BMERB1: variants seen among roughly 807,000 people sequenced by gnomAD.
BMERB1 encodes the protein bMERB domain-containing protein 1.
A neutral mutation model predicts 23.6 loss-of-function variants in BMERB1; 12 were observed. The observed-to-expected ratio is 0.51, with a 90% CI of 0.33 to 0.82. BMERB1 has a LOEUF of 0.82. BMERB1 is among the 40% of genes least tolerant of loss of function. BMERB1 has a pLI of 0.03. For synonymous variants in BMERB1, 122 were observed against 96.6 expected, an observed-to-expected ratio of 1.26 and a Z score of -1.54; for missense variants, 247 against 255.4, an observed-to-expected ratio of 0.97 and a Z score of 0.22.
intron 2 of BMERB1, 143 bp downstream of exon 2, chr16:15,515,571 AC>A: frequency 8.2e-7 from 1 of 1,214,674 alleles, no homozygotes; most frequent in Non-Finnish European, 1.1e-6. Context: ...GATTCTCACC[AC>A]CACCCAGGGA....
intron 1 of BMERB1, among the ~76,000 whole-genome samples, chr16:15,464,789 G>T (rs570669522): frequency 6.6e-6 from 1 of 152,268 alleles, no homozygotes; most frequent in East Asian, 1.9e-4. Flanking sequence ...CACCATCTTG[G>T]ATTGGGCAGG....
intron 2 of BMERB1, among the ~76,000 whole-genome samples, chr16:15,539,873 A>G (rs1403406337): frequency 1.3e-5 from 2 of 151,784 alleles, no homozygotes; most frequent in African/African-American, 4.8e-5. Context: ...AAAAGAATTT[A>G]TTTTCAGGCA....
chr16:15,536,216 G>A (rs538720631), intron 2 of BMERB1, among the ~76,000 whole-genome samples: 36 of 152,198 alleles, frequency 2.4e-4, no homozygotes, highest in Admixed American at 1.3e-3. Context: ...CTGACAGAGG[G>A]GCCACAGAGG....
chr16:15,472,131 A>C (rs147736184), intron 1 of BMERB1, among the ~76,000 whole-genome samples: 205 of 152,234 alleles, frequency 1.3e-3, no homozygotes, highest in African/African-American at 4.6e-3. Flanking sequence ...ATAACACATA[A>C]TTTTAATTCT....
intron 1 of BMERB1, among the ~76,000 whole-genome samples, chr16:15,489,126 C>T (rs2051394074): frequency 6.6e-6 from 1 of 152,132 alleles, no homozygotes; most frequent in Admixed American, 6.6e-5. Flanking sequence ...CTATCTGAAT[C>T]TGAACGGGAA....
chr16:15,550,452 C>T (rs187203145), intron 2 of BMERB1, among the ~76,000 whole-genome samples: 92 of 152,208 alleles, frequency 6.0e-4, no homozygotes, highest in Admixed American at 6.0e-3. Context: ...CCCACCTCAG[C>T]CCCGCAAGTT....
chr16:15,511,463 C>T (rs902871707), intron 1 of BMERB1, among the ~76,000 whole-genome samples: 7 of 152,198 alleles, frequency 4.6e-5, no homozygotes, highest in Non-Finnish European at 8.8e-5. Flanking sequence ...CTCTTCCTCC[C>T]ACTTATACAG....
chr16:15,563,672 T>A (rs1183871455), intron 2 of BMERB1, among the ~76,000 whole-genome samples: 3 of 152,090 alleles, frequency 2.0e-5, no homozygotes, highest in Non-Finnish European at 4.4e-5. Context: ...GGGGAAGTCT[T>A]ACGTGGCTGG....
At chr16:15,443,025 A>T (rs971913180) in intron 1 of BMERB1, among the ~76,000 whole-genome samples, 3 of 151,404 alleles carry the variant, frequency 2.0e-5, no homozygotes, top group Non-Finnish European at 2.9e-5. Context: ...AGGCTGGTGG[A>T]TCACTTAACA....
At chr16:15,484,099 G>A (rs1459798984) in intron 1 of BMERB1, among the ~76,000 whole-genome samples, 4 of 152,244 alleles carry the variant, frequency 2.6e-5, no homozygotes, top group Admixed American at 6.5e-5. Context: ...CAGATCTCTT[G>A]GGAATTAAGG....
intron 2 of BMERB1, among the ~76,000 whole-genome samples, chr16:15,522,071 C>G (rs1247836223): frequency 6.6e-6 from 1 of 152,160 alleles, no homozygotes; most frequent in Non-Finnish European, 1.5e-5. Flanking sequence ...TGCTGTTTAT[C>G]TGGGTTTCAG....
intron 1 of BMERB1, among the ~76,000 whole-genome samples, chr16:15,439,425 G>A (rs1385677528): frequency 6.6e-6 from 1 of 152,184 alleles, no homozygotes; most frequent in South Asian, 2.1e-4. Flanking sequence ...AAGGTTGAAT[G>A]GTTGTCATAG....
At position 15,529,015 on chromosome 16, in the gene BMERB1, G is replaced by GTGTTTGTTTGTT. The variant is rs369446865; in HGVS notation, c.230+13606_230+13617dup. 5.7e-3 allele frequency among the ~76,000 whole-genome samples: 866 copies of GTGTTTGTTTGTT among 151,612 alleles called. 10 individuals carry two copies. Among genetic ancestry groups the GTGTTTGTTTGTT allele is most frequent in the African/African-American group, 0.02 (826 of 41,178 alleles). On this transcript the variant is annotated intron_variant, in intron 2 of 5. Coordinates refer to ENST00000300006, the MANE Select transcript of BMERB1 (RefSeq NM_033201.3). ...CAGCCTCTTTTACCATGAAAAATAAGTGTTTGTTTGTTTGTTTGTTTGTTT... is the reference window on the plus strand; with the variant it reads ...CAGCCTCTTTTACCATGAAAAATAAGTGTTTGTTTGTTTGTTTGTTTGTTTGTTTGTTTGTTT...
At chr16:15,504,928 T>A (rs2051570835) in intron 1 of BMERB1, among the ~76,000 whole-genome samples, 1 of 152,088 alleles carries the variant, frequency 6.6e-6, no homozygotes, top group Admixed American at 6.6e-5. Flanking sequence ...TTCCAATGAC[T>A]GAAATGAATA....
At position 15,586,705 on chromosome 16, in the gene BMERB1, A is replaced by C. The variant is rs1267553727; in HGVS notation, c.503-12A>C. On this transcript the variant is annotated splice_polypyrimidine_tract_variant and intron_variant, in intron 5 of 5. Coordinates refer to ENST00000300006, the MANE Select transcript of BMERB1 (RefSeq NM_033201.3). ...TTTCTCCCCCTCTCCCTGTGCCCAC[A>C]TCTTGCTGCAGGCTCCCGGGCAGAG... The C allele has an allele frequency of 5.6e-6, 9 of 1,598,404 alleles. No homozygotes were observed. The highest frequency in any genetic ancestry group is 3.5e-5 in the Admixed American group (2 of 57,246).
At chr16:15,508,856 G>A (rs929612207) in intron 1 of BMERB1, among the ~76,000 whole-genome samples, 1 of 150,654 alleles carries the variant, frequency 6.6e-6, no homozygotes, top group Non-Finnish European at 1.5e-5. Context: ...AAAAAGATGA[G>A]GTTTACAATG....
chr16:15,534,912 C>T (rs1484650754), intron 2 of BMERB1, among the ~76,000 whole-genome samples: 2 of 152,182 alleles, frequency 1.3e-5, no homozygotes, highest in African/African-American at 2.4e-5. Context: ...AAGCAAAAAC[C>T]ATTATCTCCC....
chr16:15,556,655 G>A (rs1040988562), intron 2 of BMERB1, among the ~76,000 whole-genome samples: 1 of 151,948 alleles, frequency 6.6e-6, no homozygotes, highest in Non-Finnish European at 1.5e-5. Flanking sequence ...GTGCAATCTC[G>A]GCTCACTGCA....
chr16:15,447,500 G>A (rs1304495089), intron 1 of BMERB1, among the ~76,000 whole-genome samples: 1 of 152,146 alleles, frequency 6.6e-6, no homozygotes, highest in Non-Finnish European at 1.5e-5. Context: ...AGATTTGGGT[G>A]GGGACACAGC....
Sources: gnomAD v4.1 joint callset for allele counts (sites outside exome capture counted in the v4.1 genomes callset) on GRCh38, gnomAD v4.1.1 for gene constraint, MANE v1.5 for transcripts, NCBI Gene and HGNC (gene_info 2026-07-23, HGNC 2026-07-21) for gene names.